The following RGS10 variants were observed in gnomAD, a reference collection of about 807,000 sequenced individuals.
RGS10 encodes the protein regulator of G-protein signalling 10.
A neutral mutation model predicts 23.5 loss-of-function variants in RGS10; 11 were observed. The observed-to-expected ratio is 0.47, with a 90% CI of 0.29 to 0.77. The LOEUF (loss-of-function observed/expected upper bound fraction) is 0.77, where lower values mean the gene tolerates loss of function less well. RGS10 is among the 30% of genes least tolerant of loss of function. The probability of loss-of-function intolerance (pLI) is 0.08; values close to 1 mark genes in which losing one functional copy is unlikely to be tolerated. For synonymous variants in RGS10, 77 were observed against 83.2 expected, an observed-to-expected ratio of 0.92 and a Z score of 0.41; for missense variants, 180 against 226.3, an observed-to-expected ratio of 0.80 and a Z score of 1.31.
chr10:119,515,454 G>A, intron 4 of RGS10, 55 bp downstream of exon 4: 1 of 1,604,846 alleles, frequency 6.2e-7, no homozygotes, highest in Non-Finnish European at 8.5e-7. Flanking sequence ...ATTCTTCCAG[G>A]CCTGGAATTA....
rs184812772 is a variant in RGS10, at chr10:119,509,210, A to G, written c.399+6299T>C. ...GTCAGGAGTTCATAAATACCTTATT[A>G]TTATAACCTCCACTTCACAAATGAG... On this transcript the variant is annotated intron_variant, in intron 4 of 4. Transcript: ENST00000369103. Among the ~76,000 whole-genome samples the G allele has an allele frequency of 1.7e-3, 257 of 151,992 alleles. 1 individual carries two copies. The highest frequency in any genetic ancestry group is 6.0e-3 in the African/African-American group (247 of 41,468).
intron 3 of RGS10, among the ~76,000 whole-genome samples, chr10:119,521,932 T>C (rs1245601740): frequency 6.6e-6 from 1 of 152,152 alleles, no homozygotes; most frequent in Non-Finnish European, 1.5e-5. Flanking sequence ...ACCCCCCTTC[T>C]CAGGAAGCTA....
intron 3 of RGS10, among the ~76,000 whole-genome samples, chr10:119,525,693 G>A (rs1037654810): frequency 1.3e-5 from 2 of 152,066 alleles, no homozygotes; most frequent in African/African-American, 2.4e-5. Flanking sequence ...TCTGCGTATC[G>A]TTTTACCACG....
At chr10:119,519,366 A>C (rs1589837483) in intron 3 of RGS10, among the ~76,000 whole-genome samples, 2 of 99,472 alleles carry the variant, frequency 2.0e-5, no homozygotes, top group Non-Finnish European at 1.9e-5. Context: ...TCTGTCCCCC[A>C]GCTCCTGTCT....
chr10:119,539,665 CT>C (rs2133962814), intron 1 of RGS10, among the ~76,000 whole-genome samples: 1 of 152,248 alleles, frequency 6.6e-6, no homozygotes, highest in South Asian at 2.1e-4. Context: ...TATCAAAGCC[CT>C]CCTGAACCCA....
At position 119,527,579 on chromosome 10, in the gene RGS10, T is replaced by C. The variant is rs1275308526; in HGVS notation, c.50-155A>G. ...CTAGGTGCTTAACATGATGGACTCA[T>C]TCTTGTCACACAACCCTGTAAGGCA... On this transcript the variant is annotated intron_variant, in intron 1 of 4. Coordinates refer to ENST00000369103, the MANE Select transcript of RGS10 (RefSeq NM_001005339.2). The surrounding 1 kb of genome is among the most constrained non-coding windows in gnomAD (Gnocchi z 4.2). The C allele has an allele frequency of 1.6e-6, 1 of 640,738 alleles. No homozygotes were observed. Among genetic ancestry groups the C allele is most frequent in the Admixed American group, 2.5e-5 (1 of 39,702 alleles). The allele number at this position is 640,738 out of a possible 1,614,324, so 39.7% of individuals were successfully genotyped here.
intron 1 of RGS10, among the ~76,000 whole-genome samples, chr10:119,530,798 C>G (rs777885974): frequency 4.6e-5 from 7 of 152,210 alleles, no homozygotes; most frequent in Admixed American, 1.3e-4. Flanking sequence ...GTACTCCAGC[C>G]TGGATGACAG....
intron 3 of RGS10, among the ~76,000 whole-genome samples, chr10:119,523,854 C>T (rs868718444): frequency 1.1e-4 from 16 of 152,192 alleles, no homozygotes; most frequent in Non-Finnish European, 2.2e-4. Flanking sequence ...CATTAAAGTC[C>T]TACAGGGGCT....
intron 1 of RGS10, among the ~76,000 whole-genome samples, chr10:119,539,959 CAAA>C (rs5788358): frequency 4.2e-5 from 6 of 143,424 alleles, no homozygotes. Flanking sequence ...TTCAAAATTA[CAAA>C]AAAAAAAAAA....
chr10:119,529,944 T>C (rs972701193), intron 1 of RGS10, among the ~76,000 whole-genome samples: 1 of 151,922 alleles, frequency 6.6e-6, no homozygotes, highest in Non-Finnish European at 1.5e-5. Flanking sequence ...ATACAAAAAT[T>C]TGCTGGGCAT....
At chr10:119,508,212 C>T (rs1186473871) in intron 4 of RGS10, among the ~76,000 whole-genome samples, 2 of 152,138 alleles carry the variant, frequency 1.3e-5, no homozygotes, top group Non-Finnish European at 2.9e-5. Flanking sequence ...GTTGGCCAGG[C>T]TAGTCTCGAA....
intron 3 of RGS10, among the ~76,000 whole-genome samples, chr10:119,519,146 G>A (rs147041987): frequency 1.3e-5 from 2 of 152,200 alleles, no homozygotes; most frequent in Admixed American, 6.5e-5. Context: ...CCCAGGCAGC[G>A]AGGCCTCTCA....
intron 1 of RGS10, among the ~76,000 whole-genome samples, chr10:119,540,509 C>T (rs1245787797): frequency 6.6e-6 from 1 of 152,210 alleles, no homozygotes; most frequent in Non-Finnish European, 1.5e-5. Flanking sequence ...GCCTCAGCCT[C>T]CCAAAGTGCT....
At chr10:119,503,933 A>G (rs1843981664) in intron 4 of RGS10, among the ~76,000 whole-genome samples, 1 of 152,190 alleles carries the variant, frequency 6.6e-6, no homozygotes, top group Non-Finnish European at 1.5e-5. Flanking sequence ...GGACTTCAAC[A>G]TATGGATTAG....
chr10:119,521,334 G>C (rs1844210144), intron 3 of RGS10, among the ~76,000 whole-genome samples: 1 of 152,100 alleles, frequency 6.6e-6, no homozygotes, highest in Admixed American at 6.6e-5. Context: ...ACTTAGGGAG[G>C]CCAGGGCAGG....
chr10:119,537,057 G>A, intron 1 of RGS10, among the ~76,000 whole-genome samples: 1 of 152,174 alleles, frequency 6.6e-6, no homozygotes, highest in East Asian at 1.9e-4. Flanking sequence ...CCAGGCACCA[G>A]GCTAAGGGTA....
At chr10:119,521,580 G>GA (rs1189998326) in intron 3 of RGS10, among the ~76,000 whole-genome samples, 6 of 121,956 alleles carry the variant, frequency 4.9e-5, no homozygotes, top group Admixed American at 4.6e-4. Context: ...AAAAAAAAAA[G>GA]AAAGAAAGGA....
At chr10:119,529,846 C>G (rs572366656) in intron 1 of RGS10, among the ~76,000 whole-genome samples, 218 of 152,312 alleles carry the variant, frequency 1.4e-3, no homozygotes, top group Non-Finnish European at 2.5e-3. Context: ...GTAATCCCAG[C>G]ACTTTGGGAG....
In RGS10 at chr10:119,527,489, G is replaced by T; in HGVS notation, c.50-65C>A. ...CACTGTCATTTTAAGAAATCTGCAT[G>T]CAATGGTCAGCACTGCCGTCACCAT... On this transcript the variant is annotated intron_variant, in intron 1 of 4. Transcript: ENST00000369103. The surrounding 1 kb of genome is among the most constrained non-coding windows in gnomAD (Gnocchi z 4.2). The T allele has an allele frequency of 8.1e-7, 1 of 1,240,246 alleles. No individual in the cohort carries two copies. The allele number at this position is 1,240,246 out of a possible 1,614,324, so 76.8% of individuals were successfully genotyped here. A position where few individuals can be genotyped will look rare whatever the true frequency, so the allele number is the denominator to read the frequency against.
Sources: allele counts gnomAD v4.1 joint callset (sites outside exome capture counted in the v4.1 genomes callset), GRCh38; gene constraint gnomAD v4.1.1; non-coding constraint Gnocchi (gnomAD v3.1); transcripts MANE v1.5; gene names NCBI Gene and HGNC (gene_info 2026-07-23, HGNC 2026-07-21).